The following ARHGAP24 variants were observed in gnomAD, a reference collection of about 807,000 sequenced individuals.
The protein encoded by ARHGAP24 is Rho GTPase activating protein 24, also known as rho GTPase-activating protein 24.
Under a neutral mutation model 76.4 loss-of-function variants are expected in ARHGAP24, and 50 were observed. That is an observed-to-expected ratio of 0.65 (90% CI 0.52 to 0.83). ARHGAP24 has a LOEUF of 0.83. Among genes scored for constraint, ARHGAP24 ranks in the 40% least tolerant of loss-of-function variants. The probability of loss-of-function intolerance (pLI) is 0.00; values close to 1 mark genes in which losing one functional copy is unlikely to be tolerated. For synonymous variants in ARHGAP24, 345 were observed against 323.3 expected (o/e 1.07, Z -0.72); for missense variants, 930 against 914.2 (o/e 1.02, Z -0.22).
intron 3 of ARHGAP24, among the ~76,000 whole-genome samples, chr4:85,906,769 G>A (rs1038946865): frequency 2.6e-5 from 4 of 152,152 alleles, no homozygotes; most frequent in Non-Finnish European, 5.9e-5. Context: ...ATGGAAGTCA[G>A]TAATAGGTTG....
chr4:85,651,835 A>G (rs916666829), intron 2 of ARHGAP24, among the ~76,000 whole-genome samples: 4 of 152,078 alleles, frequency 2.6e-5, no homozygotes, highest in Non-Finnish European at 4.4e-5. Flanking sequence ...ATTAATGAAA[A>G]AGTATCATTT....
chr4:85,570,020 T>C (rs1219768470), intron 1 of ARHGAP24, among the ~76,000 whole-genome samples: 1 of 152,230 alleles, frequency 6.6e-6, no homozygotes, highest in East Asian at 1.9e-4. Context: ...ACTTTCTCAT[T>C]TTTCAGTTCT....
intron 2 of ARHGAP24, among the ~76,000 whole-genome samples, chr4:85,628,105 C>T (rs1721031339): frequency 6.6e-6 from 1 of 152,154 alleles, no homozygotes; most frequent in Non-Finnish European, 1.5e-5. Flanking sequence ...GTCTGGCACT[C>T]CCCGGTGAGA....
chr4:85,602,280 C>T (rs1460542834), intron 2 of ARHGAP24, among the ~76,000 whole-genome samples: 6 of 152,082 alleles, frequency 3.9e-5, no homozygotes, highest in Non-Finnish European at 1.5e-5. Context: ...AGCTAATGAC[C>T]ACACAGATTG....
intron 3 of ARHGAP24, among the ~76,000 whole-genome samples, chr4:85,798,359 T>C (rs1236732346): frequency 6.6e-6 from 1 of 152,164 alleles, no homozygotes; most frequent in Non-Finnish European, 1.5e-5. Context: ...GGAGAACTAA[T>C]CTGTGAGTGC....
At position 85,800,266 on chromosome 4, in the gene ARHGAP24, T is replaced by A. The variant is rs555688796; in HGVS notation, c.268+78294T>A. On this transcript the variant is annotated intron_variant, in intron 3 of 9. Transcript: ENST00000395184. ...AAATTATTTCAAAATTTGTAAAGCT[T>A]AAAGAGAAAAATGTTTCCCAGGTTA... Among the ~76,000 whole-genome samples, 15 of 152,144 alleles carry A rather than the reference T, an allele frequency of 9.9e-5. No individual in the cohort carries two copies. In the South Asian group the frequency reaches 3.1e-3, roughly 32 times the overall value.
intron 2 of ARHGAP24, among the ~76,000 whole-genome samples, chr4:85,719,015 CAA>C (rs1560600040): frequency 6.6e-6 from 1 of 152,056 alleles, no homozygotes; most frequent in South Asian, 2.1e-4. Flanking sequence ...CATACACACA[CAA>C]ATACACATGT....
rs1741049954 is a variant in ARHGAP24 at position 86,002,000 on chromosome 4, A to C, written c.*1278A>C. The C allele has an allele frequency of 6.6e-6, 1 of 152,248 alleles. No individual in the cohort carries two copies. Among genetic ancestry groups the C allele is most frequent in the Non-Finnish European group, 1.5e-5 (1 of 68,030 alleles). The allele number at this position is 152,248 out of a possible 1,614,324, so 9.4% of individuals were successfully genotyped here. On this transcript the variant is annotated 3_prime_UTR_variant, in exon 10 of 10. Transcript: ENST00000395184. ...TTTTAGCAAATATGGGAACCTCAGC[A>C]ATGCTAATTTTCTAGAAAAACCCAG...
At position 85,612,371 on chromosome 4, in the gene ARHGAP24, C is replaced by CT. The variant is rs1560552512; in HGVS notation, c.180+41650_180+41651insT. 4.4e-5 allele frequency among the ~76,000 whole-genome samples: 4 copies of CT among 90,396 alleles called. No homozygotes were observed. The South Asian group carries it at 2.5e-3, about 56-fold the overall frequency. The allele number at this position is 90,396 out of a possible 152,430, so 59.3% of individuals were successfully genotyped here. The stretch of plus-strand genomic sequence containing the variant: ...GTTCACTGCAGAGCTGGCAGTGAGC[C>CT]GAGTGCACTCCACTCGGCGTGGAGT... On this transcript the variant is annotated intron_variant, in intron 2 of 9. Transcript: ENST00000395184.
chr4:85,500,318 G>GTTTCCAT (rs1723754134), intron 1 of ARHGAP24, among the ~76,000 whole-genome samples: 1 of 152,170 alleles, frequency 6.6e-6, no homozygotes, highest in Non-Finnish European at 1.5e-5. Context: ...GAGAAGTCTG[G>GTTTCCAT]TGTTCCCTGG....
intron 2 of ARHGAP24, among the ~76,000 whole-genome samples, chr4:85,616,283 G>A (rs923739167): frequency 3.3e-5 from 5 of 152,194 alleles, no homozygotes; most frequent in Middle Eastern, 3.2e-3. Flanking sequence ...TTGATATTGT[G>A]ATCAGAATGA....
At chr4:85,628,908 A>G (rs1462216601) in intron 2 of ARHGAP24, among the ~76,000 whole-genome samples, 1 of 152,154 alleles carries the variant, frequency 6.6e-6, no homozygotes, top group African/African-American at 2.4e-5. Context: ...TAGGCAAGGT[A>G]TGGTTGGTTG....
At chr4:85,629,372 CAA>C (rs1196155609) in intron 2 of ARHGAP24, among the ~76,000 whole-genome samples, 1 of 152,110 alleles carries the variant, frequency 6.6e-6, no homozygotes, top group Non-Finnish European at 1.5e-5. Context: ...ACACTAAAAT[CAA>C]GTTATTTATA....
intron 3 of ARHGAP24, among the ~76,000 whole-genome samples, chr4:85,837,202 T>G (rs376145030): frequency 8.5e-5 from 13 of 152,326 alleles, no homozygotes; most frequent in African/African-American, 3.1e-4. Context: ...GCTCAAATTC[T>G]TTTTTCCTAC....
At chr4:85,520,995 G>A (rs567776367) in intron 1 of ARHGAP24, among the ~76,000 whole-genome samples, 1 of 152,098 alleles carries the variant, frequency 6.6e-6, no homozygotes, top group Non-Finnish European at 1.5e-5. Flanking sequence ...CAAATTTATA[G>A]TTTAGAAGTT....
At chr4:85,846,269 A>G (rs1158199944) in intron 3 of ARHGAP24, among the ~76,000 whole-genome samples, 2 of 152,152 alleles carry the variant, frequency 1.3e-5, no homozygotes, top group African/African-American at 4.8e-5. Context: ...TATTACTTAC[A>G]TGTCTAAAAG....
At chr4:85,621,236 T>C (rs1720707734) in intron 2 of ARHGAP24, among the ~76,000 whole-genome samples, 1 of 152,232 alleles carries the variant, frequency 6.6e-6, no homozygotes, top group East Asian at 1.9e-4. Flanking sequence ...AACATACTAG[T>C]ACAAGTGTCT....
In ARHGAP24 at chr4:85,995,000, C is replaced by T; in HGVS notation, c.1346C>T (p.Thr449Ile). The T allele has an allele frequency of 6.2e-7, 1 of 1,614,004 alleles. No individual in the cohort carries two copies. The highest frequency in any genetic ancestry group is 8.5e-7 in the Non-Finnish European group (1 of 1,180,008). ...SSSNAEGLEKTQTTPNGSLQA... is the reference protein window; with the variant it reads ...SSSNAEGLEKIQTTPNGSLQA... ...AGTAATGCAGAAGGTCTTGAGAAAA[C>T]CCAAACCACCCCCAATGGGAGCCTA... is the stretch of plus-strand genomic sequence containing the variant. The change falls in exon 9 of 10, where the codon ACC becomes ATC. Residue 449 changes from threonine (T) to isoleucine (I), a missense_variant. Coordinates refer to ENST00000395184, the MANE Select transcript of ARHGAP24 (RefSeq NM_001025616.3).
chr4:85,916,868 G>A (rs920853295), intron 3 of ARHGAP24, among the ~76,000 whole-genome samples: 2 of 152,060 alleles, frequency 1.3e-5, no homozygotes, highest in Non-Finnish European at 2.9e-5. Context: ...TTATTTATTG[G>A]AGATGATGCA....
Sources: gnomAD v4.1 joint callset for allele counts (sites outside exome capture counted in the v4.1 genomes callset) on GRCh38, gnomAD v4.1.1 for gene constraint, MANE v1.5 for transcripts, NCBI Gene and HGNC (gene_info 2026-07-23, HGNC 2026-07-21) for gene names.